RIMS2: variants seen among roughly 807,000 people sequenced by gnomAD.
RIMS2 encodes regulating synaptic membrane exocytosis 2, also known as regulating synaptic membrane exocytosis protein 2.
Under a neutral mutation model 174.4 loss-of-function variants are expected in RIMS2, and 59 were observed. The observed-to-expected ratio is 0.34, with a 90% CI of 0.27 to 0.42. The LOEUF (loss-of-function observed/expected upper bound fraction) is 0.42, where lower values mean the gene tolerates loss of function less well. RIMS2 is among the 10% of genes least tolerant of loss of function. The pLI is 1.00. For missense variants in RIMS2, 1,620 were observed against 1,666.3 expected, an observed-to-expected ratio of 0.97 and a Z score of 0.48; for synonymous variants, 606 against 572.5, an observed-to-expected ratio of 1.06 and a Z score of -0.84.
At chr8:103,835,794 T>G (rs2098882531) in intron 3 of RIMS2, among the ~76,000 whole-genome samples, 1 of 152,246 alleles carries the variant, frequency 6.6e-6, no homozygotes, top group South Asian at 2.1e-4. Context: ...AGTGGCTGAT[T>G]TGGAACTGTA....
chr8:104,229,525 C>T (rs1426306821), intron 19 of RIMS2, among the ~76,000 whole-genome samples: 1 of 152,150 alleles, frequency 6.6e-6, no homozygotes, highest in Non-Finnish European at 1.5e-5. Context: ...GAAATCCCAC[C>T]AGGCCTCACA....
At chr8:104,223,866 G>T in intron 19 of RIMS2, 1 of 1,290,952 alleles carries the variant, frequency 7.7e-7, no homozygotes, top group Non-Finnish European at 1.1e-6. Flanking sequence ...GTTGGCCGGG[G>T]CAGAGAGAAC....
rs535276812 is a variant in RIMS2, at chr8:104,214,918, C to A, written c.3335-29998C>A. On this transcript the variant is annotated intron_variant, in intron 19 of 23. Coordinates refer to ENST00000504942, the Ensembl canonical transcript of RIMS2. ...TATACCCAATCTAGGTGATGTTTGA[C>A]CTGGATCTGTATAACATGAATGTTT... is the stretch of plus-strand genomic sequence containing the variant. 5.0e-4 allele frequency among the ~76,000 whole-genome samples: 76 copies of A among 152,300 alleles called. 1 individual carries two copies. Among genetic ancestry groups the A allele is most frequent in the Middle Eastern group, 3.4e-3 (1 of 294 alleles).
chr8:103,556,027 G>A (rs1445336192), intron 1 of RIMS2, among the ~76,000 whole-genome samples: 1 of 152,124 alleles, frequency 6.6e-6, no homozygotes, highest in Admixed American at 6.6e-5. Flanking sequence ...GTGTTTACCA[G>A]GGACTCTGTG....
chr8:103,898,085 C>A (rs1285581735), intron 4 of RIMS2, among the ~76,000 whole-genome samples: 2 of 151,704 alleles, frequency 1.3e-5, no homozygotes, highest in Admixed American at 1.3e-4. Flanking sequence ...AGGGGATGAT[C>A]TGACCATTCC....
chr8:103,553,076 C>A (rs1455166513), intron 1 of RIMS2, among the ~76,000 whole-genome samples: 1 of 152,066 alleles, frequency 6.6e-6, no homozygotes, highest in Non-Finnish European at 1.5e-5. Context: ...TACCGTTTGA[C>A]CCAGCCATCC....
intron 3 of RIMS2, among the ~76,000 whole-genome samples, chr8:103,869,533 G>T (rs991265649): frequency 2.0e-5 from 3 of 151,782 alleles, no homozygotes; most frequent in Non-Finnish European, 2.9e-5. Context: ...ATTTTGGCCA[G>T]GCTGGTCTGC....
chr8:103,649,916 T>A (rs2096417395), intron 1 of RIMS2, among the ~76,000 whole-genome samples: 1 of 152,178 alleles, frequency 6.6e-6, no homozygotes, highest in Non-Finnish European at 1.5e-5. Flanking sequence ...TGAAGCCTAC[T>A]TTTGTCACTT....
intron 2 of RIMS2, among the ~76,000 whole-genome samples, chr8:103,714,376 A>T (rs2097344204): frequency 6.6e-6 from 1 of 152,208 alleles, no homozygotes. Context: ...AATTGTTGTT[A>T]TTCTTGGAAA....
intron 1 of RIMS2, among the ~76,000 whole-genome samples, chr8:103,611,172 G>C (rs1175437195): frequency 1.3e-5 from 2 of 151,934 alleles, no homozygotes; most frequent in Non-Finnish European, 2.9e-5. Flanking sequence ...GTATTTCTAT[G>C]GGGTTAGTGG....
chr8:104,194,742 C>T (rs768898565), intron 19 of RIMS2, among the ~76,000 whole-genome samples: 18 of 152,164 alleles, frequency 1.2e-4, no homozygotes, highest in Middle Eastern at 6.8e-3. Flanking sequence ...GGTATGGAAT[C>T]TCAGAGAAAA....
chr8:103,592,951 G>T (rs757291157), intron 1 of RIMS2, among the ~76,000 whole-genome samples: 19 of 151,370 alleles, frequency 1.3e-4, no homozygotes, highest in Non-Finnish European at 2.4e-4. Context: ...CACAGAACTT[G>T]TACAGTTATT....
At chr8:103,616,763 C>A (rs964423354) in intron 1 of RIMS2, among the ~76,000 whole-genome samples, 24 of 152,062 alleles carry the variant, frequency 1.6e-4, no homozygotes, top group African/African-American at 5.6e-4. Context: ...AAAGGCAATA[C>A]CATTCACAAT....
chr8:103,834,754 CTTTT>C (rs2098858329), intron 3 of RIMS2, among the ~76,000 whole-genome samples: 2 of 135,688 alleles, frequency 1.5e-5, no homozygotes, highest in Admixed American at 7.6e-5. Context: ...CTCTCTCTTT[CTTTT>C]TCTCTCTCTC....
At chr8:103,895,242 A>G (rs1424989100) in intron 4 of RIMS2, among the ~76,000 whole-genome samples, 1 of 150,624 alleles carries the variant, frequency 6.6e-6, no homozygotes, top group Admixed American at 6.6e-5. Context: ...GCTAAATCCA[A>G]CCTCTGTTCC....
intron 1 of RIMS2, among the ~76,000 whole-genome samples, chr8:103,633,933 C>T (rs2135317967): frequency 6.6e-6 from 1 of 152,120 alleles, no homozygotes; most frequent in Middle Eastern, 3.4e-3. Flanking sequence ...CTTTATTAGT[C>T]TAGTTAGTGG....
intron 19 of RIMS2, among the ~76,000 whole-genome samples, chr8:104,186,915 G>A (rs758447101): frequency 6.6e-6 from 1 of 151,640 alleles, no homozygotes; most frequent in Non-Finnish European, 1.5e-5. Context: ...TTCCTAAAGT[G>A]CAGGAAAATA....
intron 3 of RIMS2, among the ~76,000 whole-genome samples, chr8:103,850,649 G>A (rs1564909488): frequency 6.6e-6 from 1 of 151,904 alleles, no homozygotes; most frequent in Non-Finnish European, 1.5e-5. Context: ...TATTCTTTTT[G>A]GATGACTATG....
intron 19 of RIMS2, among the ~76,000 whole-genome samples, chr8:104,095,316 A>T (rs930884642): frequency 6.6e-6 from 1 of 152,168 alleles, no homozygotes; most frequent in African/African-American, 2.4e-5. Context: ...CCTGCAGAAG[A>T]TTACAAAGCA....
Sources: allele counts gnomAD v4.1 joint callset (sites outside exome capture counted in the v4.1 genomes callset), GRCh38; gene constraint gnomAD v4.1.1; transcripts MANE v1.5; gene names NCBI Gene and HGNC (gene_info 2026-07-23, HGNC 2026-07-21).